Variants in ZFP30 observed in about 807,000 individuals in gnomAD.
ZFP30 encodes the protein zinc finger protein 30 homolog.
A neutral mutation model predicts 12.3 loss-of-function variants in ZFP30; 16 were observed. The ratio of observed to expected loss-of-function variants is 1.30; its 90% CI spans 0.88 to 1.98. ZFP30 has a LOEUF of 1.98. ZFP30 is among the 30% of genes most tolerant of loss of function. The probability of loss-of-function intolerance (pLI) is 0.00; values close to 1 mark genes in which losing one functional copy is unlikely to be tolerated. For synonymous variants in ZFP30, 172 were observed against 201.0 expected (o/e 0.86, Z 1.22); for missense variants, 560 against 611.2 (o/e 0.92, Z 0.88).
chr19:37,639,580 C>T (rs1293682631), intron 5 of ZFP30, among the ~76,000 whole-genome samples: 3 of 151,858 alleles, frequency 2.0e-5, no homozygotes, highest in African/African-American at 7.3e-5. Context: ...AATGAGACCC[C>T]AATCTCGAAA....
chr19:37,634,923 C>T lies in ZFP30; in HGVS notation c.*58G>A. On this transcript the variant is annotated 3_prime_UTR_variant, in exon 6 of 6. Transcript: ENST00000684514. ...ATTCCCACGTTCAAAAACCTTTCCT[C>T]TAGAATGTACTTCCTATGCTCAACA... The T allele has an allele frequency of 1.4e-6, 2 of 1,467,896 alleles. No individual in the cohort carries two copies. The highest frequency in any genetic ancestry group is 1.8e-6 in the Non-Finnish European group (2 of 1,112,406). The allele number at this position is 1,467,896 out of a possible 1,614,324, so 90.9% of individuals were successfully genotyped here.
intron 2 of ZFP30, among the ~76,000 whole-genome samples, chr19:37,649,047 C>T (rs2044597139): frequency 6.6e-6 from 1 of 151,936 alleles, no homozygotes; most frequent in African/African-American, 2.4e-5. Flanking sequence ...AAACCAGCCT[C>T]AACAACATAG....
Position 37,635,525 on chromosome 19 carries a change from T to A in ZFP30, c.1016A>T (p.Gln339Leu). Reference sequence around the variant, plus strand: ...AATTCTCTGATGGAGAGTAAGTTGCTGCCGCACTCTAAAGGCCTTTCCACA... The same window carrying A: ...AATTCTCTGATGGAGAGTAAGTTGCAGCCGCACTCTAAAGGCCTTTCCACA... ...KECGKAFRVR[Q>L]QLTLHQRIHT... Residue 339 changes from glutamine to leucine, a missense_variant, in exon 6 of 6, where the codon CAG becomes CTG. Gln to Leu is a moderately radical substitution (Grantham distance 113, BLOSUM62 -2). Coordinates refer to ENST00000684514, the MANE Select transcript of ZFP30 (RefSeq NM_001320669.3). 1 of 1,613,898 alleles carries A rather than the reference T, an allele frequency of 6.2e-7. No individual in the cohort carries two copies. The highest frequency in any genetic ancestry group is 1.1e-5 in the South Asian group (1 of 91,052).
intron 5 of ZFP30, among the ~76,000 whole-genome samples, chr19:37,639,065 T>C (rs2044384239): frequency 6.6e-6 from 1 of 152,198 alleles, no homozygotes; most frequent in Non-Finnish European, 1.5e-5. Context: ...GGTAAATGAA[T>C]GGAACAGAAA....
At chr19:37,646,041 C>T (rs1409777010) in intron 3 of ZFP30, among the ~76,000 whole-genome samples, 1 of 152,116 alleles carries the variant, frequency 6.6e-6, no homozygotes, top group Non-Finnish European at 1.5e-5. Flanking sequence ...CAGAAATAAA[C>T]AATTCATAAG....
chr19:37,642,459 T>C (rs1185312110), intron 5 of ZFP30, among the ~76,000 whole-genome samples: 1 of 152,190 alleles, frequency 6.6e-6, no homozygotes, highest in Non-Finnish European at 1.5e-5. Context: ...AAAATTACTC[T>C]ATTCATTCAT....
At chr19:37,640,468 G>A (rs2044411992) in intron 5 of ZFP30, among the ~76,000 whole-genome samples, 1 of 150,196 alleles carries the variant, frequency 6.7e-6, no homozygotes, top group African/African-American at 2.4e-5. Context: ...ATACTAGTTT[G>A]GATTCTACTG....
chr19:37,644,844 A>C, intron 3 of ZFP30, 108 bp from the exon 4 acceptor site: 1 of 1,139,192 alleles, frequency 8.8e-7, no homozygotes, highest in Non-Finnish European at 1.2e-6. Flanking sequence ...TAGCTTTGGG[A>C]GCCTGAAGCA....
At chr19:37,652,156 C>G (rs1053771473) in intron 2 of ZFP30, among the ~76,000 whole-genome samples, 1 of 152,194 alleles carries the variant, frequency 6.6e-6, no homozygotes, top group African/African-American at 2.4e-5. Flanking sequence ...TGTCACTTTT[C>G]TCCATACATC....
At chr19:37,641,347 T>C (rs2044431026) in intron 5 of ZFP30, among the ~76,000 whole-genome samples, 1 of 152,230 alleles carries the variant, frequency 6.6e-6, no homozygotes, top group Middle Eastern at 3.2e-3. Flanking sequence ...TTCCCTTCTA[T>C]GGCAAAATTC....
intron 4 of ZFP30, among the ~76,000 whole-genome samples, chr19:37,643,705 G>GT (rs1334275709): frequency 3.9e-5 from 6 of 152,160 alleles, no homozygotes; most frequent in African/African-American, 1.4e-4. Flanking sequence ...TCGATTTAAT[G>GT]TAAGTGTTTA....
Position 37,654,508 on chromosome 19 carries a change from G to A in ZFP30, c.-78+204C>T, listed in dbSNP as rs117836141. Among the ~76,000 whole-genome samples the A allele has an allele frequency of 6.9e-3, 1,046 of 152,252 alleles. 32 individuals carry two copies. The highest frequency in any genetic ancestry group is 0.055 in the East Asian group (285 of 5,178). ...AGAGTAATTGAATTTGCAGCCTACA[G>A]TTAACTAACCATGTGTCTAACTATA... is the stretch of plus-strand genomic sequence containing the variant. On this transcript the variant is annotated intron_variant, in intron 2 of 5. Transcript: ENST00000684514.
At position 37,631,909 on chromosome 19, in the gene ZFP30, T is replaced by C. The variant is rs896752751; in HGVS notation, c.*3072A>G. 6.6e-6 allele frequency: 1 copy of C among 152,176 alleles called. No individual in the cohort carries two copies. The highest frequency in any genetic ancestry group is 2.4e-5 in the African/African-American group (1 of 41,444). 9.4% of individuals were successfully genotyped at this position (152,176 alleles called of 1,614,324 possible). A position where few individuals can be genotyped will look rare whatever the true frequency, so the allele number is the denominator to read the frequency against. On this transcript the variant is annotated 3_prime_UTR_variant, in exon 6 of 6. Transcript: ENST00000684514. ...ATTAGAATTACCAGATTTCTCTTCA[T>C]ACGGAAAATGTCTAGATTTTCGTTT... is the stretch of plus-strand genomic sequence containing the variant.
chr19:37,656,010 C>T (rs1023340009), upstream of ZFP30: 5 of 152,416 alleles, frequency 3.3e-5, no homozygotes, highest in Non-Finnish European at 7.3e-5. Context: ...GTAGCCGTGA[C>T]CCTGGCGTGA....
At position 37,634,026 on chromosome 19, in the gene ZFP30, A is replaced by T. The variant is rs1284200206; in HGVS notation, c.*955T>A. ...TATTGTTAAGTATCTCTTCTTTTAC[A>T]TGTTTGTTCAACTCATGATCTAAGT... On this transcript the variant is annotated 3_prime_UTR_variant, in exon 6 of 6. Coordinates refer to ENST00000684514, the MANE Select transcript of ZFP30 (RefSeq NM_001320669.3). The T allele has an allele frequency of 2.0e-5, 3 of 152,172 alleles. No homozygotes were observed. The highest frequency in any genetic ancestry group is 7.2e-5 in the African/African-American group (3 of 41,438). The allele number at this position is 152,172 out of a possible 1,614,324, so 9.4% of individuals were successfully genotyped here. A position where few individuals can be genotyped will look rare whatever the true frequency, so the allele number is the denominator to read the frequency against.
At chr19:37,644,505 G>A (rs2044500111) in intron 4 of ZFP30, 105 bp downstream of exon 4, 7 of 1,312,338 alleles carry the variant, frequency 5.3e-6, no homozygotes, top group Non-Finnish European at 7.1e-6. Flanking sequence ...CTGCACTTCA[G>A]CCTGGTGACT....
At chr19:37,638,548 G>A (rs909629532) in intron 5 of ZFP30, among the ~76,000 whole-genome samples, 7 of 152,254 alleles carry the variant, frequency 4.6e-5, no homozygotes, top group Non-Finnish European at 7.4e-5. Context: ...TTAAAGCAAC[G>A]TTATTTGTAA....
intron 3 of ZFP30, among the ~76,000 whole-genome samples, chr19:37,646,982 A>C (rs1429375330): frequency 6.6e-6 from 1 of 152,196 alleles, no homozygotes; most frequent in Non-Finnish European, 1.5e-5. Flanking sequence ...ACATTAAAAT[A>C]AACTACATGT....
At chr19:37,647,691 G>A (rs1267004056) in intron 3 of ZFP30, 123 bp downstream of exon 3, 2 of 1,237,902 alleles carry the variant, frequency 1.6e-6, no homozygotes, top group South Asian at 1.3e-5. Context: ...GCTGGAATGG[G>A]GAAGACTGGG....
Sources: gnomAD v4.1 joint callset for allele counts (sites outside exome capture counted in the v4.1 genomes callset) on GRCh38, gnomAD v4.1.1 for gene constraint, MANE v1.5 for transcripts, NCBI Gene and HGNC (gene_info 2026-07-23, HGNC 2026-07-21) for gene names.